The following BMPR1B variants were observed in gnomAD, a reference collection of about 807,000 sequenced individuals.
BMPR1B encodes the protein bone morphogenetic protein receptor type 1B, also known as bone morphogenetic protein receptor type-1B.
In BMPR1B, 12 loss-of-function variants were observed where a neutral mutation model predicts 59.1. The ratio of observed to expected loss-of-function variants is 0.20; its 90% CI spans 0.13 to 0.33. The LOEUF (loss-of-function observed/expected upper bound fraction) is 0.33, where lower values mean the gene tolerates loss of function less well. Among genes scored for constraint, BMPR1B ranks in the 10% least tolerant of loss-of-function variants. The pLI is 1.00. For missense variants in BMPR1B, 550 were observed against 610.9 expected, an observed-to-expected ratio of 0.90 and a Z score of 1.05; for synonymous variants, 237 against 207.3, an observed-to-expected ratio of 1.14 and a Z score of -1.23.
At chr4:94,976,571 C>T (rs974819480) in intron 2 of BMPR1B, among the ~76,000 whole-genome samples, 1 of 152,130 alleles carries the variant, frequency 6.6e-6, no homozygotes, top group Non-Finnish European at 1.5e-5. Flanking sequence ...TCAAGTTCAG[C>T]GTTTTGTCTT....
At chr4:95,032,517 A>G (rs186729529) in intron 3 of BMPR1B, among the ~76,000 whole-genome samples, 25 of 152,190 alleles carry the variant, frequency 1.6e-4, no homozygotes, top group African/African-American at 6.0e-4. Flanking sequence ...CTATTAAACA[A>G]CTACTTCCTA....
Position 94,881,304 on chromosome 4 carries a change from C to T in BMPR1B, c.-113+5404C>T, listed in dbSNP as rs114776093. 5.7e-3 allele frequency among the ~76,000 whole-genome samples: 868 copies of T among 152,206 alleles called. 7 individuals are homozygous for T. Among genetic ancestry groups the T allele is most frequent in the African/African-American group, 0.02 (818 of 41,528 alleles). ...GGATATAAGACCTCTCCCCCACAAA[C>T]ACATGCGTATTTAGAAGCATGTTTC... On this transcript the variant is annotated intron_variant, in intron 2 of 12. Coordinates refer to ENST00000515059, the MANE Select transcript of BMPR1B (RefSeq NM_001203.3).
chr4:94,781,494 C>A (rs1406256717), intron 1 of BMPR1B, among the ~76,000 whole-genome samples: 1 of 152,148 alleles, frequency 6.6e-6, no homozygotes, highest in African/African-American at 2.4e-5. Flanking sequence ...CTCACTGCAA[C>A]CTCCACCTCC....
chr4:94,880,523 C>T (rs986671842), intron 2 of BMPR1B, among the ~76,000 whole-genome samples: 6 of 152,042 alleles, frequency 3.9e-5, no homozygotes, highest in East Asian at 3.9e-4. Flanking sequence ...TGGGATTGTA[C>T]GGTGTTGCCC....
intron 2 of BMPR1B, among the ~76,000 whole-genome samples, chr4:94,978,504 G>GCTTATCCACTTTCA (rs1231743725): frequency 2.0e-5 from 3 of 152,212 alleles, no homozygotes; most frequent in African/African-American, 7.2e-5. Context: ...TAAGCAGACT[G>GCTTATCCACTTTCA]CTAAAGTGGT....
chr4:95,011,638 G>A (rs1723235646), intron 3 of BMPR1B, among the ~76,000 whole-genome samples: 1 of 152,116 alleles, frequency 6.6e-6, no homozygotes, highest in Non-Finnish European at 1.5e-5. Context: ...CATTTTATTA[G>A]CCAGCTTTTA....
intron 2 of BMPR1B, among the ~76,000 whole-genome samples, chr4:94,974,629 C>T (rs2149080518): frequency 6.6e-6 from 1 of 152,316 alleles, no homozygotes; most frequent in African/African-American, 2.4e-5. Flanking sequence ...CTGATTAAGG[C>T]ACAGTTTAGC....
At chr4:94,924,760 C>T (rs1444930) in intron 2 of BMPR1B, among the ~76,000 whole-genome samples, 50,033 of 151,862 alleles carry the variant, frequency 0.33, 8,325 homozygotes, top group South Asian at 0.47. Context: ...ACACACATAC[C>T]GTATGACACA....
chr4:94,796,060 G>C (rs1258123154), intron 1 of BMPR1B, among the ~76,000 whole-genome samples: 1 of 151,738 alleles, frequency 6.6e-6, no homozygotes, highest in Non-Finnish European at 1.5e-5. Flanking sequence ...TACCTCCTGG[G>C]TTCAAGCGAT....
chr4:95,130,814 T>A (rs2149301229), intron 9 of BMPR1B, among the ~76,000 whole-genome samples: 1 of 147,688 alleles, frequency 6.8e-6, no homozygotes, highest in Admixed American at 6.8e-5. Context: ...CACGGTAATC[T>A]CTGCTTCCCA....
chr4:94,762,344 G>A (rs1721811072), intron 1 of BMPR1B, among the ~76,000 whole-genome samples: 1 of 152,154 alleles, frequency 6.6e-6, no homozygotes. Flanking sequence ...TTTGCCATTA[G>A]GAAAACAAGA....
chr4:94,891,152 A>C (rs1035567556), intron 2 of BMPR1B, among the ~76,000 whole-genome samples: 1 of 152,104 alleles, frequency 6.6e-6, no homozygotes, highest in African/African-American at 2.4e-5. Context: ...GTAAGTGGTT[A>C]GTATTTGTGT....
At chr4:95,075,339 TTA>T (rs1728621494) in intron 3 of BMPR1B, among the ~76,000 whole-genome samples, 3 of 152,194 alleles carry the variant, frequency 2.0e-5, no homozygotes, top group Admixed American at 6.6e-5. Context: ...ACTGCTATAC[TTA>T]TGATTTTTAG....
intron 2 of BMPR1B, among the ~76,000 whole-genome samples, chr4:94,917,461 G>A (rs1432291704): frequency 1.3e-5 from 2 of 152,222 alleles, no homozygotes; most frequent in African/African-American, 4.8e-5. Context: ...TGCCCTGGAT[G>A]TGAGAAATGG....
Position 94,793,338 on chromosome 4 carries a change from G to C in BMPR1B, c.-183+35270G>C, listed in dbSNP as rs575510802. Among the ~76,000 whole-genome samples, 1,041 of 151,838 alleles carry C rather than the reference G, an allele frequency of 6.9e-3. 9 individuals carry two copies. Among genetic ancestry groups the C allele is most frequent in the African/African-American group, 0.023 (949 of 41,350 alleles). ...CAGTTTCATCCATGTCCCTACAAAG[G>C]ACATGAACTCATCATTTTTTATGGC... On this transcript the variant is annotated intron_variant, in intron 1 of 12. Transcript: ENST00000515059.
intron 2 of BMPR1B, among the ~76,000 whole-genome samples, chr4:94,972,778 A>G (rs559581663): frequency 6.6e-6 from 1 of 152,314 alleles, no homozygotes; most frequent in East Asian, 1.9e-4. Flanking sequence ...CTCCATTCAT[A>G]AAATAGAGAT....
At chr4:94,786,835 T>A (rs1285594891) in intron 1 of BMPR1B, among the ~76,000 whole-genome samples, 10 of 152,090 alleles carry the variant, frequency 6.6e-5, no homozygotes, top group Non-Finnish European at 2.9e-5. Flanking sequence ...TGAGCCATCG[T>A]GCCCAGCCCA....
Position 94,809,034 on chromosome 4 carries a change from G to A in BMPR1B, c.-183+50966G>A, listed in dbSNP as rs142512697. Among the ~76,000 whole-genome samples, 802 of 152,238 alleles carry A rather than the reference G, an allele frequency of 5.3e-3. 5 individuals are homozygous for A. Among genetic ancestry groups the A allele is most frequent in the African/African-American group, 0.018 (750 of 41,552 alleles). ...TGCACCACTGCACTCCAGCCTGGGC[G>A]ATAGAGCAAGACTCTGTATCAAGAA... On this transcript the variant is annotated intron_variant, in intron 1 of 12. Transcript: ENST00000515059.
intron 1 of BMPR1B, among the ~76,000 whole-genome samples, chr4:94,862,520 T>C (rs558664551): frequency 6.6e-6 from 1 of 151,258 alleles, no homozygotes; most frequent in East Asian, 2.0e-4. Flanking sequence ...GGTTTGTGTT[T>C]AGGCCAGGCA....
Sources: allele counts gnomAD v4.1 joint callset (sites outside exome capture counted in the v4.1 genomes callset), GRCh38; gene constraint gnomAD v4.1.1; transcripts MANE v1.5; gene names NCBI Gene and HGNC (gene_info 2026-07-23, HGNC 2026-07-21).